Variants in PLA2G5 observed in about 807,000 individuals in gnomAD.
The protein encoded by PLA2G5 is Ca2+-dependent phospholipase A2.
Under a neutral mutation model 15.9 loss-of-function variants are expected in PLA2G5, and 12 were observed. That is an observed-to-expected ratio of 0.76 (90% CI 0.48 to 1.23). PLA2G5 has a LOEUF of 1.23. PLA2G5 is among the 50% of genes most tolerant of loss of function. The pLI is 0.00. For missense variants in PLA2G5, 169 were observed against 177.1 expected (o/e 0.95, Z 0.26); for synonymous variants, 71 against 71.4 (o/e 0.99, Z 0.03).
At chr1:20,032,609 A>G (rs1569612166) in intron 1 of PLA2G5, among the ~76,000 whole-genome samples, 1 of 152,056 alleles carries the variant, frequency 6.6e-6, no homozygotes, top group Admixed American at 6.6e-5. Context: ...TCATGGCAGG[A>G]GAATGTGTAT....
upstream of PLA2G5, chr1:20,068,903 TC>T (rs962088947): frequency 2.3e-6 from 3 of 1,282,990 alleles, no homozygotes; most frequent in African/African-American, 3.1e-5. Flanking sequence ...GGGAACACAC[TC>T]CCCCCTACGT....
intron 3 of PLA2G5, among the ~76,000 whole-genome samples, chr1:20,088,218 A>G (rs1261484730): frequency 1.3e-5 from 2 of 152,210 alleles, no homozygotes; most frequent in Non-Finnish European, 2.9e-5. Flanking sequence ...TTATCTGGGC[A>G]TGGTGGCACA....
rs867733232 is a variant in PLA2G5 at position 20,082,409 on chromosome 1, G to A, written c.-10-2412G>A. Among the ~76,000 whole-genome samples, 8 of 151,868 alleles carry A rather than the reference G, an allele frequency of 5.3e-5. No homozygotes were observed. In the South Asian group the frequency reaches 1.0e-3, roughly 20 times the overall value. ...GGCGTTCTTCCCTTACCAGCCGAAC[G>A]TCCCTAGCAGGTCATATACCAGTTA... On this transcript the variant is annotated intron_variant, in intron 1 of 4. Coordinates refer to ENST00000375108, the MANE Select transcript of PLA2G5 (RefSeq NM_000929.3).
At chr1:20,034,110 A>T (rs964879751) in intron 1 of PLA2G5, among the ~76,000 whole-genome samples, 1 of 152,112 alleles carries the variant, frequency 6.6e-6, no homozygotes, top group African/African-American at 2.4e-5. Context: ...CTATAGAGGA[A>T]TTTTAAAAGC....
intron 2 of PLA2G5, among the ~76,000 whole-genome samples, chr1:20,060,865 G>A (rs932711939): frequency 6.6e-6 from 1 of 151,966 alleles, no homozygotes; most frequent in Non-Finnish European, 1.5e-5. Flanking sequence ...TTACAGGCAT[G>A]AGCCACCATG....
rs558801165 is a variant in PLA2G5, at chr1:20,062,473, C to A, written n.337+2781C>A. Among the ~76,000 whole-genome samples, 292 of 152,236 alleles carry A rather than the reference C, an allele frequency of 1.9e-3. 2 individuals are homozygous for A. Among genetic ancestry groups the A allele is most frequent in the African/African-American group, 7.0e-3 (289 of 41,536 alleles). On this transcript the variant is annotated intron_variant and non_coding_transcript_variant, in intron 2 of 6. Transcript: ENST00000460175. ...TGGCTTCAGGGGAATCAAAGCAAGT[C>A]CCCACTTCTGTCCTCTCCTGAGCTG...
At chr1:20,074,984 C>T (rs2015592161) in intron 1 of PLA2G5, among the ~76,000 whole-genome samples, 1 of 152,228 alleles carries the variant, frequency 6.6e-6, no homozygotes, top group African/African-American at 2.4e-5. Flanking sequence ...CAGGGCCAGG[C>T]ACATCCCTCT....
chr1:20,030,847 G>A (rs2012881615), intron 1 of PLA2G5, among the ~76,000 whole-genome samples: 2 of 152,186 alleles, frequency 1.3e-5, no homozygotes, highest in Non-Finnish European at 2.9e-5. Flanking sequence ...ATTAAACCTG[G>A]AGTCAACACA....
chr1:20,069,632 G>A (rs1243578269), upstream of PLA2G5, among the ~76,000 whole-genome samples: 1 of 151,720 alleles, frequency 6.6e-6, no homozygotes, highest in African/African-American at 2.4e-5. Flanking sequence ...CTGCACTCCA[G>A]CCTGGGTGAC....
intron 1 of PLA2G5, among the ~76,000 whole-genome samples, chr1:20,035,569 A>G (rs1213663874): frequency 1.3e-5 from 2 of 152,172 alleles, no homozygotes; most frequent in Non-Finnish European, 2.9e-5. Flanking sequence ...ATCTTCATGG[A>G]ATATCTTTTT....
intron 3 of PLA2G5, among the ~76,000 whole-genome samples, chr1:20,089,208 A>G (rs11573284): frequency 6.6e-6 from 1 of 152,202 alleles, no homozygotes; most frequent in African/African-American, 2.4e-5. Flanking sequence ...AAGAAAAAAG[A>G]CTGTACATGT....
chr1:20,086,871 T>A (rs187205097), intron 3 of PLA2G5, among the ~76,000 whole-genome samples: 1 of 152,182 alleles, frequency 6.6e-6, no homozygotes, highest in African/African-American at 2.4e-5. Context: ...TAGAAGAACA[T>A]GTGAAATGGG....
chr1:20,049,170 G>A (rs2100393901), intron 1 of PLA2G5, among the ~76,000 whole-genome samples: 1 of 152,010 alleles, frequency 6.6e-6, no homozygotes, highest in East Asian at 1.9e-4. Context: ...TTTAGTCCTA[G>A]AATAAAATGA....
At chr1:20,028,475 C>T (rs1044052069) in exon 1 of PLA2G5, 2 of 152,098 alleles carry the variant, frequency 1.3e-5, no homozygotes, top group African/African-American at 4.8e-5. Context: ...TTCTTGCCTT[C>T]TACTTTAATA....
At chr1:20,068,533 C>A (rs1295876585), upstream of PLA2G5, among the ~76,000 whole-genome samples, 1 of 148,838 alleles carries the variant, frequency 6.7e-6, no homozygotes, top group Non-Finnish European at 1.5e-5. Flanking sequence ...CTCACTGTAA[C>A]CTCCGCCTCC....
At chr1:20,058,990 A>G (rs918863344) in intron 1 of PLA2G5, among the ~76,000 whole-genome samples, 4 of 151,942 alleles carry the variant, frequency 2.6e-5, no homozygotes, top group African/African-American at 4.8e-5. Flanking sequence ...CCTGGCCAAC[A>G]TGGCGAAACT....
intron 1 of PLA2G5, among the ~76,000 whole-genome samples, chr1:20,077,114 C>T (rs2015732363): frequency 6.6e-6 from 1 of 152,234 alleles, no homozygotes; most frequent in South Asian, 2.1e-4. Context: ...TCTTGAGGAT[C>T]TATAATGGGT....
chr1:20,090,859 A>G lies in PLA2G5; in HGVS notation c.*167A>G, dbSNP rs2016535767. On this transcript the variant is annotated 3_prime_UTR_variant, in exon 5 of 5. Coordinates refer to ENST00000375108, the MANE Select transcript of PLA2G5 (RefSeq NM_000929.3). ...CACACTGTACCCTCCAGCGAGTCCC[A>G]GGAGAGTGACTCTGGTCATAGGACT... The G allele has an allele frequency of 1.5e-6, 1 of 662,898 alleles. No homozygotes were observed. The highest frequency in any genetic ancestry group is 2.6e-6 in the Non-Finnish European group (1 of 386,988). 41.1% of individuals were successfully genotyped at this position (662,898 alleles called of 1,614,324 possible).
At chr1:20,031,150 G>A (rs1372806833) in intron 1 of PLA2G5, among the ~76,000 whole-genome samples, 1 of 152,184 alleles carries the variant, frequency 6.6e-6, no homozygotes, top group Non-Finnish European at 1.5e-5. Context: ...GTTCTGATAG[G>A]GCTGAAGGAT....
Sources: gnomAD v4.1 joint callset for allele counts (sites outside exome capture counted in the v4.1 genomes callset) on GRCh38, gnomAD v4.1.1 for gene constraint, MANE v1.5 for transcripts, NCBI Gene and HGNC (gene_info 2026-07-23, HGNC 2026-07-21) for gene names.